The following MED12L variants were observed in gnomAD, a reference collection of about 807,000 sequenced individuals.
MED12L encodes the protein mediator of RNA polymerase II transcription subunit 12-like protein.
Under a neutral mutation model 281.3 loss-of-function variants are expected in MED12L, and 60 were observed. The ratio of observed to expected loss-of-function variants is 0.21; its 90% CI spans 0.17 to 0.26. The LOEUF (loss-of-function observed/expected upper bound fraction) is 0.26, where lower values mean the gene tolerates loss of function less well. Among genes scored for constraint, MED12L ranks in the 10% least tolerant of loss-of-function variants. The pLI is 1.00. For missense variants in MED12L, 2,146 were observed against 2,680.9 expected (o/e 0.80, Z 4.41); for synonymous variants, 974 against 987.2 (o/e 0.99, Z 0.25).
At chr3:151,187,305 T>A (rs927966513) in intron 12 of MED12L, among the ~76,000 whole-genome samples, 5 of 152,240 alleles carry the variant, frequency 3.3e-5, no homozygotes, top group Admixed American at 3.3e-4. Context: ...TGTGTTTTTT[T>A]ACACTGCTTT....
chr3:151,099,209 A>G (rs1721104712), intron 2 of MED12L, among the ~76,000 whole-genome samples: 1 of 152,248 alleles, frequency 6.6e-6, no homozygotes, highest in Admixed American at 6.5e-5. Context: ...TGGATGGCAG[A>G]ATCAATAAGG....
At chr3:151,299,959 A>C in intron 16 of MED12L, 1 of 780,006 alleles carries the variant, frequency 1.3e-6, no homozygotes, top group East Asian at 2.5e-5. Context: ...ATGCTGGTTT[A>C]TTTTGTTAGT....
chr3:151,169,319 C>T (rs867880075), intron 11 of MED12L, among the ~76,000 whole-genome samples: 1 of 151,700 alleles, frequency 6.6e-6, no homozygotes, highest in Admixed American at 6.6e-5. Context: ...TTGGGTTTCA[C>T]CATGTTGGCC....
intron 16 of MED12L, among the ~76,000 whole-genome samples, chr3:151,292,763 G>A (rs1352179396): frequency 6.6e-6 from 1 of 152,054 alleles, no homozygotes; most frequent in Admixed American, 6.6e-5. Context: ...GTAGAGACGG[G>A]GTTTCTCCAT....
At chr3:151,412,538 G>A (rs952134550) in intron 41 of MED12L, among the ~76,000 whole-genome samples, 9 of 152,138 alleles carry the variant, frequency 5.9e-5, no homozygotes, top group Admixed American at 5.2e-4. Flanking sequence ...CCAAGTAATC[G>A]CTCTTTGGAA....
At chr3:151,337,479 C>T (rs180901375) in intron 16 of MED12L, 78 of 225,174 alleles carry the variant, frequency 3.5e-4, no homozygotes, top group African/African-American at 1.7e-3. Context: ...AAATTGTGAA[C>T]GATAATGTAT....
chr3:151,185,670 A>G (rs748147554), intron 12 of MED12L, among the ~76,000 whole-genome samples: 4 of 152,152 alleles, frequency 2.6e-5, no homozygotes, highest in Admixed American at 6.5e-5. Context: ...TAAAAATGGT[A>G]TCTTTTAAAA....
intron 5 of MED12L, among the ~76,000 whole-genome samples, chr3:151,154,788 A>G (rs944549714): frequency 2.0e-5 from 3 of 152,354 alleles, no homozygotes; most frequent in East Asian, 1.9e-4. Context: ...CTGTTAGTCC[A>G]TAACAGGACA....
intron 11 of MED12L, among the ~76,000 whole-genome samples, chr3:151,168,487 C>G (rs1720997968): frequency 6.6e-6 from 1 of 152,122 alleles, no homozygotes; most frequent in Non-Finnish European, 1.5e-5. Flanking sequence ...GACATGTGCT[C>G]AGGACTGAGA....
At chr3:151,340,259 T>C (rs1437621379) in intron 16 of MED12L, among the ~76,000 whole-genome samples, 1 of 152,218 alleles carries the variant, frequency 6.6e-6, no homozygotes, top group Non-Finnish European at 1.5e-5. Flanking sequence ...ACATTTTGTG[T>C]AGTCTGTAAG....
intron 16 of MED12L, among the ~76,000 whole-genome samples, chr3:151,247,327 G>A (rs1200593160): frequency 1.3e-5 from 2 of 151,934 alleles, no homozygotes; most frequent in African/African-American, 4.8e-5. Context: ...TGTTTATTGT[G>A]GCATTATTCA....
At chr3:151,317,378 ATTTAT>A (rs762935601) in intron 16 of MED12L, among the ~76,000 whole-genome samples, 36 of 142,690 alleles carry the variant, frequency 2.5e-4, no homozygotes, top group Non-Finnish European at 4.9e-4. Flanking sequence ...ACATAAAACA[ATTTAT>A]TTTATTGCTT....
chr3:151,435,659 T>C lies in MED12L; in HGVS notation c.*2855T>C, dbSNP rs540776025. On this transcript the variant is annotated 3_prime_UTR_variant, in exon 45 of 45. Coordinates refer to ENST00000687756, the MANE Select transcript of MED12L (RefSeq NM_001393769.1). ...ACTAGGTGAATGTTTGAATAGATGC[T>C]GGAGAAATTACACTGGAAAACCCCA... is the stretch of plus-strand genomic sequence containing the variant. 6.6e-6 allele frequency: 1 copy of C among 152,234 alleles called. No individual in the cohort carries two copies. Among genetic ancestry groups the C allele is most frequent in the African/African-American group, 2.4e-5 (1 of 41,534 alleles). The allele number at this position is 152,234 out of a possible 1,614,324, so 9.4% of individuals were successfully genotyped here. A position where few individuals can be genotyped will look rare whatever the true frequency, so the allele number is the denominator to read the frequency against.
chr3:151,370,035 C>G (rs934084753), intron 26 of MED12L, among the ~76,000 whole-genome samples: 1 of 151,900 alleles, frequency 6.6e-6, no homozygotes, highest in Admixed American at 6.6e-5. Context: ...TTTTGATGAC[C>G]CAGGCAATAG....
chr3:151,341,659 G>C (rs1751842650), intron 16 of MED12L, among the ~76,000 whole-genome samples: 1 of 151,626 alleles, frequency 6.6e-6, no homozygotes, highest in Non-Finnish European at 1.5e-5. Context: ...CATGTGCCAT[G>C]CTGGTGTGCT....
intron 16 of MED12L, among the ~76,000 whole-genome samples, chr3:151,259,516 C>G (rs749619628): frequency 6.6e-6 from 1 of 152,176 alleles, no homozygotes; most frequent in Non-Finnish European, 1.5e-5. Context: ...CTGTCTCAGG[C>G]AAACTGGGGT....
At chr3:151,380,340 T>C in intron 32 of MED12L, 116 bp downstream of exon 32, 1 of 662,748 alleles carries the variant, frequency 1.5e-6, no homozygotes, top group Non-Finnish European at 2.4e-6. Flanking sequence ...CTCATGCCTG[T>C]AATCCCAGCA....
At chr3:151,182,069 C>G (rs928986881) in intron 11 of MED12L, among the ~76,000 whole-genome samples, 1 of 151,706 alleles carries the variant, frequency 6.6e-6, no homozygotes, top group African/African-American at 2.4e-5. Context: ...GACAAGACAC[C>G]TAAAGGAGTG....
chr3:151,140,807 G>C (rs533333338), intron 5 of MED12L, among the ~76,000 whole-genome samples: 1 of 152,078 alleles, frequency 6.6e-6, no homozygotes, highest in Admixed American at 6.5e-5. Flanking sequence ...AGCCTCCCGA[G>C]TAGCTGCGAT....
Sources: gnomAD v4.1 joint callset for allele counts (sites outside exome capture counted in the v4.1 genomes callset) on GRCh38, gnomAD v4.1.1 for gene constraint, MANE v1.5 for transcripts, NCBI Gene and HGNC (gene_info 2026-07-23, HGNC 2026-07-21) for gene names.